Variants in COL4A5 observed in about 807,000 individuals in gnomAD.
COL4A5 encodes the protein collagen type IV alpha 5 chain, also known as collagen alpha-5(IV) chain.
In COL4A5, 26 loss-of-function variants were observed where a neutral mutation model predicts 130.2. The observed-to-expected ratio is 0.20, with a 90% CI of 0.15 to 0.28. The LOEUF (loss-of-function observed/expected upper bound fraction) is 0.28. Ranked by LOEUF, COL4A5 falls within the 10% of genes least tolerant of loss-of-function variation. COL4A5 has a pLI of 1.00. For synonymous variants in COL4A5, 496 were observed against 439.6 expected (o/e 1.13, Z -1.60); for missense variants, 1,131 against 1,344.3 (o/e 0.84, Z 2.48).
At chrX:108,643,905 G>A (rs1251252320) in intron 36 of COL4A5, among the ~76,000 whole-genome samples, 3 of 112,019 alleles carry the variant, frequency 2.7e-5, no homozygotes, top group Non-Finnish European at 5.6e-5. Flanking sequence ...CTAACATTGA[G>A]TGTAAATGGC....
chrX:108,645,025 C>T (rs756853909), intron 36 of COL4A5, among the ~76,000 whole-genome samples: 17 of 108,672 alleles, frequency 1.6e-4, no homozygotes, highest in African/African-American at 4.3e-4. Context: ...TTGAACTGAA[C>T]GATAATAATG....
intron 10 of COL4A5, among the ~76,000 whole-genome samples, chrX:108,577,372 C>CAA (rs746311921): frequency 6.0e-4 from 18 of 29,861 alleles, no homozygotes; most frequent in African/African-American, 1.0e-3. Flanking sequence ...AACTCCTTCT[C>CAA]AAAAAAAAAA....
rs893128280 is a variant in COL4A5 at position 108,480,061 on chromosome X, G to A, written c.81+39855G>A. 2.7e-5 allele frequency among the ~76,000 whole-genome samples: 3 copies of A among 111,764 alleles called. No individual in the cohort carries two copies. The Admixed American group carries it at 2.8e-4, about 11-fold the overall frequency. On this transcript the variant is annotated intron_variant, in intron 1 of 52. Coordinates refer to ENST00000328300, the MANE Select transcript of COL4A5 (RefSeq NM_033380.3). ...ATCATATGGCCCAAGTGGTAGAGCA[G>A]CTTGCAGGGCAGCCTGGACCTGTTG...
intron 10 of COL4A5, 32 bp downstream of exon 10, chrX:108,576,004 C>T (rs759800918): frequency 3.2e-6 from 3 of 940,512 alleles, no homozygotes; most frequent in Non-Finnish European, 3.0e-6. Flanking sequence ...AATTTCCCCC[C>T]CTTTCCTTTC....
chrX:108,494,189 A>G (rs1778311749), intron 1 of COL4A5, among the ~76,000 whole-genome samples: 1 of 111,649 alleles, frequency 9.0e-6, no homozygotes, highest in East Asian at 2.8e-4. Context: ...AAACAGATCT[A>G]GCATTATTGA....
At chrX:108,657,523 G>A (rs144893332) in intron 37 of COL4A5, among the ~76,000 whole-genome samples, 1,377 of 111,521 alleles carry the variant, frequency 0.012, 26 homozygotes, top group African/African-American at 0.043. Context: ...TCCATTTAAA[G>A]TATCTGTAGG....
chrX:108,560,361 T>C (rs2065882808), intron 3 of COL4A5, among the ~76,000 whole-genome samples: 1 of 112,561 alleles, frequency 8.9e-6, no homozygotes, highest in Admixed American at 9.4e-5. Flanking sequence ...CCCCTCACAG[T>C]TGGCCAGCAG....
chrX:108,579,801 C>T (rs1037303435), intron 13 of COL4A5, among the ~76,000 whole-genome samples: 1 of 111,457 alleles, frequency 9.0e-6, no homozygotes, highest in African/African-American at 3.3e-5. Flanking sequence ...ATATGTATGC[C>T]GTGTGACCCC....
At chrX:108,579,850 A>C (rs1044181425) in intron 13 of COL4A5, among the ~76,000 whole-genome samples, 3 of 111,962 alleles carry the variant, frequency 2.7e-5, no homozygotes, top group African/African-American at 9.7e-5. Flanking sequence ...TTTTTATAAA[A>C]TATTTTATAA....
rs777769384 is a variant in COL4A5, at chrX:108,517,132, A to G, written c.82-22614A>G. Among the ~76,000 whole-genome samples the G allele has an allele frequency of 1.5e-4, 17 of 111,801 alleles. No individual in the cohort carries two copies. In the South Asian group the frequency reaches 6.2e-3, roughly 41 times the overall value. ...TTAACACATCAATCCCATGTATATA[A>G]TTCCTTATGTGCCAGGTTAGATATA... On this transcript the variant is annotated intron_variant, in intron 1 of 52. Transcript: ENST00000328300.
intron 1 of COL4A5, among the ~76,000 whole-genome samples, chrX:108,532,525 A>T (rs1034132385): frequency 8.9e-6 from 1 of 111,841 alleles, no homozygotes; most frequent in African/African-American, 3.2e-5. Flanking sequence ...GAACAAGACA[A>T]GGATGTTGAC....
intron 1 of COL4A5, among the ~76,000 whole-genome samples, chrX:108,526,660 C>T (rs868178734): frequency 2.6e-5 from 1 of 38,766 alleles, no homozygotes; most frequent in South Asian, 1.8e-3. Context: ...TTCTTTCTTT[C>T]TTCTTTCTTT....
At chrX:108,562,840 G>A (rs1413843844) in intron 3 of COL4A5, among the ~76,000 whole-genome samples, 1 of 111,361 alleles carries the variant, frequency 9.0e-6, no homozygotes, top group East Asian at 2.8e-4. Flanking sequence ...AATTTTGATA[G>A]GCAGTACGTT....
chrX:108,489,365 A>T (rs1245958320), intron 1 of COL4A5, among the ~76,000 whole-genome samples: 2 of 111,255 alleles, frequency 1.8e-5, no homozygotes, highest in African/African-American at 6.5e-5. Context: ...TTATTTATTT[A>T]TGTGTCTGCT....
chrX:108,525,007 G>A (rs927846792), intron 1 of COL4A5, among the ~76,000 whole-genome samples: 1 of 111,990 alleles, frequency 8.9e-6, no homozygotes, highest in Non-Finnish European at 1.9e-5. Flanking sequence ...CTTAAATGCA[G>A]TTGGTTTATA....
chrX:108,506,457 A>G (rs1167959124), intron 1 of COL4A5, among the ~76,000 whole-genome samples: 4 of 109,906 alleles, frequency 3.6e-5, no homozygotes, highest in East Asian at 2.9e-4. Flanking sequence ...GTGGAAGACA[A>G]TTTTTCCACA....
At chrX:108,536,135 C>T (rs967326422) in intron 1 of COL4A5, among the ~76,000 whole-genome samples, 1 of 111,267 alleles carries the variant, frequency 9.0e-6, no homozygotes, top group African/African-American at 3.3e-5. Context: ...AGTCTAATAT[C>T]TGCTGTTTTA....
intron 28 of COL4A5, among the ~76,000 whole-genome samples, chrX:108,605,200 T>G (rs2066710177): frequency 8.9e-6 from 1 of 112,480 alleles, no homozygotes. Flanking sequence ...GCTTTTGACA[T>G]GCCTTCCTCA....
At chrX:108,688,494 G>A (rs960610178) in intron 49 of COL4A5, among the ~76,000 whole-genome samples, 1 of 109,648 alleles carries the variant, frequency 9.1e-6, no homozygotes, top group Non-Finnish European at 1.9e-5. Context: ...GGAGTGCAAT[G>A]GCGTGGTCTC....
Sources: allele counts gnomAD v4.1 joint callset (sites outside exome capture counted in the v4.1 genomes callset), GRCh38; gene constraint gnomAD v4.1.1; transcripts MANE v1.5; gene names NCBI Gene and HGNC (gene_info 2026-07-23, HGNC 2026-07-21).